Variants in PACC1 observed in about 807,000 individuals in gnomAD.
PACC1 encodes proton-activated chloride channel.
PACC1 carries 34 observed loss-of-function variants against 39.7 expected under a neutral mutation model. That is an observed-to-expected ratio of 0.86 (90% CI 0.65 to 1.14). PACC1 has a LOEUF of 1.14. PACC1 is among the 50% of genes most tolerant of loss of function. The probability of loss-of-function intolerance (pLI) is 0.00; values close to 1 mark genes in which losing one functional copy is unlikely to be tolerated. For missense variants in PACC1, 379 were observed against 436.4 expected (o/e 0.87, Z 1.17); for synonymous variants, 127 against 160.6 (o/e 0.79, Z 1.58).
chr1:212,370,293 C>A (rs568074322), intron 7 of PACC1, among the ~76,000 whole-genome samples: 1 of 152,134 alleles, frequency 6.6e-6, no homozygotes, highest in African/African-American at 2.4e-5. Context: ...AGTGAAACCC[C>A]GTCTCTACCA....
At chr1:212,395,801 G>A (rs1456854894) in intron 2 of PACC1, among the ~76,000 whole-genome samples, 1 of 151,618 alleles carries the variant, frequency 6.6e-6, no homozygotes, top group African/African-American at 2.4e-5. Flanking sequence ...CTTCTCAAAA[G>A]AAGACATTTA....
chr1:212,412,836 G>A (rs1428548468), intron 1 of PACC1, among the ~76,000 whole-genome samples: 2 of 152,178 alleles, frequency 1.3e-5, no homozygotes, highest in African/African-American at 4.8e-5. Flanking sequence ...CATTCACTGT[G>A]GGGTCACCAT....
chr1:212,393,651 G>C (rs1327232551), intron 2 of PACC1, among the ~76,000 whole-genome samples: 1 of 152,082 alleles, frequency 6.6e-6, no homozygotes, highest in African/African-American at 2.4e-5. Context: ...TCCAGGAGCT[G>C]GTTTTTTGAA....
chr1:212,381,770 G>GACACAGTGACAC (rs1553281060), intron 4 of PACC1, among the ~76,000 whole-genome samples: 8 of 118,144 alleles, frequency 6.8e-5, no homozygotes, highest in African/African-American at 2.9e-4. Flanking sequence ...ACAGCACAGT[G>GACACAGTGACAC]ACACACACAC....
chr1:212,391,730 T>C (rs1331866028), intron 2 of PACC1, among the ~76,000 whole-genome samples: 1 of 152,006 alleles, frequency 6.6e-6, no homozygotes, highest in African/African-American at 2.4e-5. Context: ...GAATAACCAA[T>C]GCAGAGAAGT....
chr1:212,371,010 G>C (rs576172989), intron 7 of PACC1, among the ~76,000 whole-genome samples: 2 of 152,250 alleles, frequency 1.3e-5, no homozygotes, highest in Non-Finnish European at 2.9e-5. Flanking sequence ...CACTTTGGGA[G>C]GCTGAGGCCG....
chr1:212,380,056 C>T lies in PACC1; in HGVS notation c.496-19G>A, dbSNP rs768121382. 1 of 1,612,902 alleles carries T rather than the reference C, an allele frequency of 6.2e-7. No individual in the cohort carries two copies. Among genetic ancestry groups the T allele is most frequent in the South Asian group, 1.1e-5 (1 of 91,014 alleles). On this transcript the variant is annotated intron_variant, in intron 4 of 7. Transcript: ENST00000261455. Reference sequence around the variant, plus strand: ...CAGATTTCTGCAGAGAGAAAAAGGACAGAGTCTCAGTCCTGGGAGAGTACA... The same window carrying T: ...CAGATTTCTGCAGAGAGAAAAAGGATAGAGTCTCAGTCCTGGGAGAGTACA...
intron 2 of PACC1, among the ~76,000 whole-genome samples, chr1:212,399,441 A>T (rs1661637687): frequency 6.6e-6 from 1 of 152,198 alleles, no homozygotes; most frequent in Non-Finnish European, 1.5e-5. Context: ...ATAACTTCGT[A>T]ACAAGTAGAG....
Position 212,393,038 on chromosome 1 carries a change from G to C in PACC1, c.134-5938C>G, listed in dbSNP as rs548886428. On this transcript the variant is annotated intron_variant, in intron 2 of 7. Transcript: ENST00000261455. ...ATTAGACAGATCAACAAGACAGAAA[G>C]TTAACAAGGATATCCAGGAATTGAA... Among the ~76,000 whole-genome samples the C allele has an allele frequency of 6.6e-5, 10 of 152,216 alleles. No homozygotes were observed. In the South Asian group the frequency reaches 1.7e-3, roughly 25 times the overall value.
In PACC1 at chr1:212,394,790, C is replaced by T. The variant is rs367817463; in HGVS notation, c.134-7690G>A. 3.6e-4 allele frequency among the ~76,000 whole-genome samples: 54 copies of T among 152,096 alleles called. No homozygotes were observed. The South Asian group carries it at 9.4e-3, about 26-fold the overall frequency. ...AATCACAAGCATTCTTATACACCAA[C>T]AACAGACAAACAGAGAGCCAAATCA... is the stretch of plus-strand genomic sequence containing the variant. On this transcript the variant is annotated intron_variant, in intron 2 of 7. Transcript: ENST00000261455.
intron 2 of PACC1, among the ~76,000 whole-genome samples, chr1:212,407,797 AG>A (rs1346726254): frequency 6.6e-6 from 1 of 152,086 alleles, no homozygotes; most frequent in African/African-American, 2.4e-5. Flanking sequence ...GATGTAGGCC[AG>A]GTGCGGTGGC....
intron 7 of PACC1, 86 bp from the exon 8 acceptor site, chr1:212,365,462 G>GC (rs1431466296): frequency 1.5e-6 from 2 of 1,357,456 alleles, no homozygotes; most frequent in African/African-American, 3.2e-5. Context: ...ATGGAGTTTC[G>GC]CTCTTGTCAC....
chr1:212,405,467 T>A (rs1661874348), intron 2 of PACC1, among the ~76,000 whole-genome samples: 1 of 152,218 alleles, frequency 6.6e-6, no homozygotes. Flanking sequence ...AGGGACCTCA[T>A]CAGGGAAGTC....
chr1:212,369,834 T>C (rs901572212), intron 7 of PACC1, among the ~76,000 whole-genome samples: 1 of 145,366 alleles, frequency 6.9e-6, no homozygotes, highest in Non-Finnish European at 1.5e-5. Flanking sequence ...CACACAAATG[T>C]AAATAAAAAA....
intron 2 of PACC1, among the ~76,000 whole-genome samples, chr1:212,406,074 A>G (rs776635772): frequency 7.4e-6 from 1 of 135,966 alleles, no homozygotes; most frequent in African/African-American, 2.9e-5. Flanking sequence ...ACTGTACTGT[A>G]GCCCAGTCCA....
At chr1:212,403,678 C>G (rs146580024) in intron 2 of PACC1, among the ~76,000 whole-genome samples, 1 of 152,188 alleles carries the variant, frequency 6.6e-6, no homozygotes, top group African/African-American at 2.4e-5. Context: ...GATTCTTCCA[C>G]CTCAGCCTCC....
chr1:212,409,958 C>T (rs958199526), intron 2 of PACC1, among the ~76,000 whole-genome samples: 4 of 152,124 alleles, frequency 2.6e-5, no homozygotes, highest in Non-Finnish European at 5.9e-5. Flanking sequence ...AGCGTGTATC[C>T]GGGCGGAAGA....
chr1:212,406,105 C>CAAAAAAAAAA (rs58332482), intron 2 of PACC1, among the ~76,000 whole-genome samples: 2 of 55,652 alleles, frequency 3.6e-5, no homozygotes, highest in Non-Finnish European at 6.5e-5. Flanking sequence ...TCCCACCCCA[C>CAAAAAAAAAA]AAAAAAAAAA....
intron 2 of PACC1, among the ~76,000 whole-genome samples, chr1:212,392,175 G>A (rs967174270): frequency 4.6e-5 from 7 of 152,188 alleles, no homozygotes; most frequent in Admixed American, 4.6e-4. Flanking sequence ...AGGAAAAAAT[G>A]TTAAGGGCAA....
Sources: gnomAD v4.1 joint callset for allele counts (sites outside exome capture counted in the v4.1 genomes callset) on GRCh38, gnomAD v4.1.1 for gene constraint, MANE v1.5 for transcripts, NCBI Gene and HGNC (gene_info 2026-07-23, HGNC 2026-07-21) for gene names.